NELL1: variants seen among roughly 807,000 people sequenced by gnomAD.
NELL1 encodes neural EGFL like 1.
NELL1 carries 76 observed loss-of-function variants against 107.4 expected under a neutral mutation model. That is an observed-to-expected ratio of 0.71 (90% CI 0.59 to 0.86). The LOEUF (loss-of-function observed/expected upper bound fraction) is 0.86, where lower values mean the gene tolerates loss of function less well. Ranked by LOEUF, NELL1 falls within the 40% of genes least tolerant of loss-of-function variation. The pLI, the probability that NELL1 is intolerant of heterozygous loss-of-function variation, is 0.00. For synonymous variants in NELL1, 353 were observed against 341.2 expected (o/e 1.03, Z -0.38); for missense variants, 1,024 against 1,005.5 (o/e 1.02, Z -0.25).
At chr11:21,269,808 T>C (rs1848705542) in intron 14 of NELL1, among the ~76,000 whole-genome samples, 1 of 152,138 alleles carries the variant, frequency 6.6e-6, no homozygotes, top group Non-Finnish European at 1.5e-5. Flanking sequence ...CATTAATTGA[T>C]CTAACAGATA....
intron 12 of NELL1, among the ~76,000 whole-genome samples, chr11:21,060,984 C>G (rs1853727255): frequency 6.6e-6 from 1 of 152,212 alleles, no homozygotes; most frequent in South Asian, 2.1e-4. Context: ...ATCCGCCTGC[C>G]TCGGCATCCC....
rs143946571 is a variant in NELL1 at position 20,676,140 on chromosome 11, C to T, written c.56-1792C>T. On this transcript the variant is annotated intron_variant, in intron 1 of 19. Transcript: ENST00000357134. The stretch of plus-strand genomic sequence containing the variant: ...CTTAGGACACTCCCAGTTTGTTCCT[C>T]GTTTGCATGCACCCTTCTCTGCATG... Among the ~76,000 whole-genome samples the T allele has an allele frequency of 3.1e-3, 478 of 152,242 alleles. 2 individuals carry two copies. Among genetic ancestry groups the T allele is most frequent in the African/African-American group, 0.011 (447 of 41,534 alleles).
intron 13 of NELL1, among the ~76,000 whole-genome samples, chr11:21,200,038 TC>T (rs1388009420): frequency 1.3e-5 from 2 of 152,206 alleles, no homozygotes; most frequent in Admixed American, 1.3e-4. Context: ...CTTTATCCAG[TC>T]TATCATTGAT....
intron 2 of NELL1, among the ~76,000 whole-genome samples, chr11:20,708,651 A>G (rs1855035813): frequency 6.6e-6 from 1 of 151,938 alleles, no homozygotes; most frequent in Non-Finnish European, 1.5e-5. Context: ...TAATTTGTGA[A>G]TATTTTCTCC....
At chr11:21,249,192 C>T (rs1225266349) in intron 14 of NELL1, among the ~76,000 whole-genome samples, 1 of 152,082 alleles carries the variant, frequency 6.6e-6, no homozygotes, top group East Asian at 1.9e-4. Flanking sequence ...ATGGGAAAAT[C>T]ATTGTATTTT....
At chr11:21,476,698 G>T (rs1026124397) in intron 15 of NELL1, among the ~76,000 whole-genome samples, 3 of 152,266 alleles carry the variant, frequency 2.0e-5, no homozygotes, top group Non-Finnish European at 4.4e-5. Flanking sequence ...AAGAGGAAGA[G>T]TGTAGGAAAG....
intron 3 of NELL1, among the ~76,000 whole-genome samples, chr11:20,806,330 T>C: frequency 6.6e-6 from 1 of 151,942 alleles, no homozygotes; most frequent in Non-Finnish European, 1.5e-5. Flanking sequence ...ATAAAAGATT[T>C]TTTCCTTCAA....
rs535080214 is a variant in NELL1 at position 21,213,665 on chromosome 11, T to C, written c.1427-15667T>C. On this transcript the variant is annotated intron_variant, in intron 13 of 19. Coordinates refer to ENST00000357134, the MANE Select transcript of NELL1 (RefSeq NM_006157.5). ...AGACACAAAGATCAATAGAACAGAA[T>C]AGAGACCCCAGAAACAGACAAATAC... 9.2e-5 allele frequency among the ~76,000 whole-genome samples: 14 copies of C among 152,218 alleles called. No homozygotes were observed. The East Asian group carries it at 9.7e-4, about 11-fold the overall frequency.
intron 15 of NELL1, among the ~76,000 whole-genome samples, chr11:21,427,243 A>C (rs1218780728): frequency 6.6e-6 from 1 of 152,180 alleles, no homozygotes; most frequent in African/African-American, 2.4e-5. Context: ...GCAAAACTTC[A>C]TTTTTGTTTT....
At chr11:21,543,001 G>GT (rs1856330943) in intron 16 of NELL1, among the ~76,000 whole-genome samples, 1 of 151,972 alleles carries the variant, frequency 6.6e-6, no homozygotes, top group Admixed American at 6.6e-5. Flanking sequence ...CAAGTGTGCT[G>GT]TTTTTTCTAT....
chr11:21,036,328 A>C (rs1328052067), intron 12 of NELL1, among the ~76,000 whole-genome samples: 1 of 152,218 alleles, frequency 6.6e-6, no homozygotes, highest in Non-Finnish European at 1.5e-5. Flanking sequence ...TTATAGATTC[A>C]GTGCTACTCC....
intron 15 of NELL1, among the ~76,000 whole-genome samples, chr11:21,525,767 C>T (rs4291670): frequency 0.34 from 51,961 of 151,898 alleles, 10,553 homozygotes; most frequent in Non-Finnish European, 0.46. Context: ...TGCAGGGGAA[C>T]TCCCATTTAT....
intron 2 of NELL1, among the ~76,000 whole-genome samples, chr11:20,766,231 C>T (rs1856525741): frequency 1.3e-5 from 2 of 152,176 alleles, no homozygotes; most frequent in South Asian, 4.1e-4. Context: ...AGTAATAGTG[C>T]AGCACTTTAT....
intron 12 of NELL1, among the ~76,000 whole-genome samples, chr11:21,035,717 A>G (rs1853075247): frequency 6.6e-6 from 1 of 152,192 alleles, no homozygotes; most frequent in South Asian, 2.1e-4. Flanking sequence ...TAAACTGGGT[A>G]TCGAAGGAAC....
At chr11:20,970,358 A>G (rs1293198008) in intron 12 of NELL1, among the ~76,000 whole-genome samples, 2 of 152,072 alleles carry the variant, frequency 1.3e-5, no homozygotes, top group African/African-American at 2.4e-5. Flanking sequence ...AAATTAATTG[A>G]CCATCTATTG....
In NELL1 at chr11:20,712,849, G is replaced by A. The variant is rs573494143; in HGVS notation, c.184+34789G>A. Among the ~76,000 whole-genome samples the A allele has an allele frequency of 9.2e-5, 14 of 152,356 alleles. No homozygotes were observed. In the South Asian group the frequency reaches 2.9e-3, roughly 32 times the overall value. On this transcript the variant is annotated intron_variant, in intron 2 of 19. Transcript: ENST00000357134. ...TGATCCATCTTCAGGTCTCCCAGCTGTGGATACCAGCACCTGCTCTGGTGG... is the reference window on the plus strand; with the variant it reads ...TGATCCATCTTCAGGTCTCCCAGCTATGGATACCAGCACCTGCTCTGGTGG...
chr11:21,152,763 T>C (rs1856147464), intron 13 of NELL1, among the ~76,000 whole-genome samples: 1 of 152,188 alleles, frequency 6.6e-6, no homozygotes, highest in Non-Finnish European at 1.5e-5. Context: ...TTTTTCTTTC[T>C]AAGAATGACC....
chr11:20,806,860 A>G (rs1385860928), intron 3 of NELL1, among the ~76,000 whole-genome samples: 1 of 152,124 alleles, frequency 6.6e-6, no homozygotes, highest in Non-Finnish European at 1.5e-5. Context: ...CAGTATGTTA[A>G]TTAAATTTTT....
At chr11:21,338,190 C>T (rs908204531) in intron 14 of NELL1, among the ~76,000 whole-genome samples, 9 of 152,114 alleles carry the variant, frequency 5.9e-5, no homozygotes, top group African/African-American at 7.2e-5. Flanking sequence ...CATGCAATTT[C>T]GACAGGTGTT....
Sources: gnomAD v4.1 joint callset for allele counts (sites outside exome capture counted in the v4.1 genomes callset) on GRCh38, gnomAD v4.1.1 for gene constraint, MANE v1.5 for transcripts, NCBI Gene and HGNC (gene_info 2026-07-23, HGNC 2026-07-21) for gene names.